Variants in PTPRN2 observed in about 807,000 individuals in gnomAD.
PTPRN2 encodes receptor-type tyrosine-protein phosphatase N2.
Under a neutral mutation model 118.8 loss-of-function variants are expected in PTPRN2, and 74 were observed. The ratio of observed to expected loss-of-function variants is 0.62; its 90% confidence interval spans 0.52 to 0.76. The LOEUF is 0.76. Among genes scored for constraint, PTPRN2 ranks in the 30% least tolerant of loss-of-function variants. The pLI is 0.00. For missense variants in PTPRN2, 1,481 were observed against 1,394.4 expected (o/e 1.06, Z -0.99); for synonymous variants, 641 against 608.0 (o/e 1.05, Z -0.80).
At chr7:157,786,526 C>T (rs1277588511) in intron 12 of PTPRN2, among the ~76,000 whole-genome samples, 1 of 152,162 alleles carries the variant, frequency 6.6e-6, no homozygotes, top group Non-Finnish European at 1.5e-5. Flanking sequence ...CAGCGTGAGT[C>T]CCTTGAGGCT....
chr7:158,133,643 G>C (rs139085744), intron 9 of PTPRN2, 34 bp downstream of exon 9: 1 of 1,524,418 alleles, frequency 6.6e-7, no homozygotes, highest in East Asian at 2.3e-5. Flanking sequence ...GCCCTCCCTC[G>C]GCACACAGGA....
intron 5 of PTPRN2, among the ~76,000 whole-genome samples, chr7:158,171,551 A>G (rs1331017349): frequency 2.0e-5 from 3 of 151,728 alleles, no homozygotes; most frequent in Admixed American, 2.0e-4. Flanking sequence ...GGGTTTCACC[A>G]TGTTGGTCAG....
At chr7:157,642,115 G>A (rs905667278) in intron 14 of PTPRN2, among the ~76,000 whole-genome samples, 6 of 152,244 alleles carry the variant, frequency 3.9e-5, no homozygotes, top group Admixed American at 6.5e-5. Context: ...GGACAGAGAC[G>A]TCTTCTAGCA....
intron 12 of PTPRN2, among the ~76,000 whole-genome samples, chr7:157,732,323 T>C (rs374368941): frequency 1.5e-3 from 3 of 1,940 alleles, no homozygotes; most frequent in Admixed American, 6.0e-3. Flanking sequence ...CCCTTTCCCG[T>C]CCCACGCGCC....
At chr7:158,310,499 C>A (rs913842988) in intron 3 of PTPRN2, among the ~76,000 whole-genome samples, 1 of 152,220 alleles carries the variant, frequency 6.6e-6, no homozygotes. Context: ...GAAGGTAGAG[C>A]TTGTGAATGA....
chr7:157,635,623 G>A (rs575723634), intron 14 of PTPRN2, among the ~76,000 whole-genome samples: 37 of 152,188 alleles, frequency 2.4e-4, no homozygotes, highest in East Asian at 5.8e-4. Flanking sequence ...TATTGTCTTC[G>A]CCTCAGCTCT....
At chr7:158,557,266 C>G (rs1248703094) in intron 1 of PTPRN2, among the ~76,000 whole-genome samples, 1 of 144,996 alleles carries the variant, frequency 6.9e-6, no homozygotes, top group African/African-American at 2.6e-5. Flanking sequence ...AGGTGGCTCC[C>G]GCGCAGGTCA....
intron 3 of PTPRN2, among the ~76,000 whole-genome samples, chr7:158,302,523 A>AC (rs577790441): frequency 6.6e-6 from 1 of 152,122 alleles, no homozygotes; most frequent in African/African-American, 2.4e-5. Context: ...ACCCCAGATC[A>AC]CCCCCAGTCA....
At chr7:157,776,830 C>CCT (rs1563097747) in intron 12 of PTPRN2, among the ~76,000 whole-genome samples, 1 of 62,556 alleles carries the variant, frequency 1.6e-5, no homozygotes, top group Non-Finnish European at 3.5e-5. Context: ...TCCCTCTCCT[C>CCT]CCTCTCTTCC....
chr7:158,054,242 A>G (rs1809610377), intron 11 of PTPRN2, among the ~76,000 whole-genome samples: 1 of 152,230 alleles, frequency 6.6e-6, no homozygotes, highest in African/African-American at 2.4e-5. Context: ...GTGTGATGTG[A>G]ACACAGCTCT....
chr7:157,713,570 C>G (rs116658362), intron 12 of PTPRN2, among the ~76,000 whole-genome samples: 1 of 152,200 alleles, frequency 6.6e-6, no homozygotes, highest in Non-Finnish European at 1.5e-5. Context: ...AGCAAAGAGA[C>G]GGTGTGACGC....
intron 12 of PTPRN2, among the ~76,000 whole-genome samples, chr7:157,736,404 C>A (rs993642396): frequency 6.6e-6 from 1 of 152,160 alleles, no homozygotes; most frequent in East Asian, 1.9e-4. Flanking sequence ...GCCAAAAGGG[C>A]GGCCCCGATC....
At chr7:158,516,867 T>G (rs1303510145) in intron 1 of PTPRN2, among the ~76,000 whole-genome samples, 2 of 152,184 alleles carry the variant, frequency 1.3e-5, no homozygotes. Flanking sequence ...TTGTTCTTGG[T>G]GCTGTTCTTG....
At chr7:158,504,657 T>C (rs1454076465) in intron 1 of PTPRN2, among the ~76,000 whole-genome samples, 3 of 152,240 alleles carry the variant, frequency 2.0e-5, no homozygotes, top group African/African-American at 7.2e-5. Context: ...CACAACTTTA[T>C]AACCTGCACT....
At chr7:158,031,895 G>A (rs981423867) in intron 11 of PTPRN2, among the ~76,000 whole-genome samples, 5 of 152,230 alleles carry the variant, frequency 3.3e-5, no homozygotes, top group Non-Finnish European at 5.9e-5. Flanking sequence ...CTACAAAGAC[G>A]GTGCTGCTCT....
At chr7:157,819,998 CAG>C (rs2151137195) in intron 12 of PTPRN2, among the ~76,000 whole-genome samples, 1 of 151,464 alleles carries the variant, frequency 6.6e-6, no homozygotes, top group Admixed American at 6.6e-5. Flanking sequence ...CCCACACACA[CAG>C]AGGCACTCCA....
At chr7:158,040,363 GCA>G (rs776958430) in intron 11 of PTPRN2, among the ~76,000 whole-genome samples, 40 of 150,976 alleles carry the variant, frequency 2.6e-4, no homozygotes, top group African/African-American at 5.1e-4. Flanking sequence ...ATATACACAT[GCA>G]CACACACACG....
In PTPRN2 at chr7:158,134,005, G is replaced by A. The variant is rs759075782; in HGVS notation, c.1228C>T (p.Leu410Phe). Reference sequence around the variant, plus strand: ...GCAAAGGGGAGGGCTCCAGGTAAGAGTCGAGACCCGTGGTCCTGCAGGAGG... The same window carrying A: ...GCAAAGGGGAGGGCTCCAGGTAAGAATCGAGACCCGTGGTCCTGCAGGAGG... ...GGLLQDHGSR[L>F]LPGALPFARP... The change falls in exon 9 of 23, where the codon CTC (leucine) becomes TTC (phenylalanine). Residue 410 changes from leucine to phenylalanine, a missense_variant. Leu to Phe is a conservative substitution (Grantham distance 22). Coordinates refer to ENST00000389418, the MANE Select transcript of PTPRN2 (RefSeq NM_002847.5). The A allele has an allele frequency of 1.2e-6, 2 of 1,614,016 alleles. No individual in the cohort carries two copies. Among genetic ancestry groups the A allele is most frequent in the Non-Finnish European group, 1.7e-6 (2 of 1,180,046 alleles).
Position 157,610,258 on chromosome 7 carries a change from C to A in PTPRN2, c.2345-6183G>T, listed in dbSNP as rs752350633. 2.0e-5 allele frequency among the ~76,000 whole-genome samples: 3 copies of A among 152,172 alleles called. No individual in the cohort carries two copies. Among genetic ancestry groups the A allele is most frequent in the Non-Finnish European group, 4.4e-5 (3 of 68,034 alleles). ...CAATGGGGTTCCCTCCTCCCAGGGG[C>A]CTCACGGAACTCGGCAATGGGGTTC... On this transcript the variant is annotated intron_variant, in intron 15 of 22. Coordinates refer to ENST00000389418, the MANE Select transcript of PTPRN2 (RefSeq NM_002847.5). This position sits in a 1 kb window ranked among gnomAD's most constrained non-coding sequence, Gnocchi z 5.1.
Sources: gnomAD v4.1 joint callset for allele counts (sites outside exome capture counted in the v4.1 genomes callset) on GRCh38, gnomAD v4.1.1 for gene constraint, Gnocchi (gnomAD v3.1) non-coding constraint, MANE v1.5 for transcripts, NCBI Gene and HGNC (gene_info 2026-07-23, HGNC 2026-07-21) for gene names.